Variants in TNFSF8 observed in about 807,000 individuals in gnomAD.
TNFSF8 encodes TNF superfamily member 8.
Under a neutral mutation model 22.0 loss-of-function variants are expected in TNFSF8, and 4 were observed. The ratio of observed to expected loss-of-function variants is 0.18; its 90% CI spans 0.09 to 0.42. TNFSF8 has a LOEUF of 0.42. Ranked by LOEUF, TNFSF8 falls within the 10% of genes least tolerant of loss-of-function variation. The pLI is 1.00. For missense variants in TNFSF8, 233 were observed against 281.8 expected (o/e 0.83, Z 1.24); for synonymous variants, 106 against 112.5 (o/e 0.94, Z 0.37).
At position 114,923,522 on chromosome 9, in the gene TNFSF8, C is replaced by CTTTCTTTCTTT. The variant is rs758823996; in HGVS notation, c.196-5385_196-5384insAAAGAAAGAAA. Among the ~76,000 whole-genome samples the CTTTCTTTCTTT allele has an allele frequency of 9.9e-4, 89 of 89,742 alleles. 1 individual carries two copies. Among genetic ancestry groups the CTTTCTTTCTTT allele is most frequent in the African/African-American group, 1.3e-3 (27 of 21,248 alleles). The allele number at this position is 89,742 out of a possible 152,430, so 58.9% of individuals were successfully genotyped here. Reference sequence around the variant, plus strand: ...TCTTTCTTTCTTTCTTTCTTTCTTTCTTTTTTTTTTTTTGAGATGAAATCT... The same window carrying CTTTCTTTCTTT: ...TCTTTCTTTCTTTCTTTCTTTCTTTCTTTCTTTCTTTTTTTTTTTTTTTTGAGATGAAATCT... On this transcript the variant is annotated intron_variant, in intron 1 of 3. Transcript: ENST00000223795.
chr9:114,910,623 A>C (rs939410619), intron 2 of TNFSF8, among the ~76,000 whole-genome samples: 1 of 152,196 alleles, frequency 6.6e-6, no homozygotes, highest in Non-Finnish European at 1.5e-5. Flanking sequence ...AACAAGCACT[A>C]ATGAGCTCCT....
chr9:114,912,673 C>T (rs1827866879), intron 2 of TNFSF8, among the ~76,000 whole-genome samples: 2 of 152,368 alleles, frequency 1.3e-5, no homozygotes, highest in East Asian at 3.9e-4. Flanking sequence ...CTCTTGACTG[C>T]TTCCAGTGTG....
rs762071843 is a variant in TNFSF8 at position 114,902,503 on chromosome 9, A to G, written c.*1428T>C. 2 of 985,282 alleles carry G rather than the reference A, an allele frequency of 2.0e-6. No individual in the cohort carries two copies. The highest frequency in any genetic ancestry group is 2.4e-6 in the Non-Finnish European group (2 of 829,924). The allele number at this position is 985,282 out of a possible 1,614,324, so 61.0% of individuals were successfully genotyped here. ...TCAGGCCTCGTCAGATGGTTTCCCAAACACCCAGATGGTCTCTTAGATTCT... is the reference window on the plus strand; with the variant it reads ...TCAGGCCTCGTCAGATGGTTTCCCAGACACCCAGATGGTCTCTTAGATTCT... On this transcript the variant is annotated 3_prime_UTR_variant, in exon 4 of 4. Transcript: ENST00000223795.
chr9:114,930,045 C>T, intron 1 of TNFSF8, 64 bp downstream of exon 1: 1 of 1,326,686 alleles, frequency 7.5e-7, no homozygotes, highest in Non-Finnish European at 1.0e-6. Context: ...ATCATTTGTT[C>T]CCAGGGCTCT....
At chr9:114,912,564 A>AT (rs113374990) in intron 2 of TNFSF8, among the ~76,000 whole-genome samples, 5,396 of 151,028 alleles carry the variant, frequency 0.036, 290 homozygotes, top group East Asian at 0.15. Context: ...TAATTTTTGT[A>AT]TTTTTTTTTG....
At chr9:114,898,739 C>T (rs1193423763), downstream of TNFSF8, among the ~76,000 whole-genome samples, 1 of 152,056 alleles carries the variant, frequency 6.6e-6, no homozygotes, top group African/African-American at 2.4e-5. Context: ...GCTTGTTTGG[C>T]AGGAAGGGGT....
chr9:114,918,206 T>A, intron 1 of TNFSF8, 68 bp from the exon 2 acceptor site: 1 of 1,477,606 alleles, frequency 6.8e-7, no homozygotes, highest in Non-Finnish European at 9.2e-7. Flanking sequence ...TTTTTTTTCT[T>A]TTTCATTTTG....
chr9:114,895,848 A>G (rs1827650556), intron 4 of TNFSF8, among the ~76,000 whole-genome samples: 1 of 152,228 alleles, frequency 6.6e-6, no homozygotes, highest in Admixed American at 6.5e-5. Context: ...CTATAGGGAA[A>G]GTACAGCCCC....
chr9:114,908,084 T>C (rs961683956), intron 2 of TNFSF8, among the ~76,000 whole-genome samples: 3 of 152,156 alleles, frequency 2.0e-5, no homozygotes, highest in Non-Finnish European at 4.4e-5. Context: ...ACCAGGCAAG[T>C]TTTTCCTTGT....
Position 114,902,906 on chromosome 9 carries a change from C to T in TNFSF8, c.*1025G>A, listed in dbSNP as rs1827733964. The T allele has an allele frequency of 2.1e-5, 7 of 337,336 alleles. No homozygotes were observed. The highest frequency in any genetic ancestry group is 1.9e-4 in the Admixed American group (3 of 15,462). The allele number at this position is 337,336 out of a possible 1,614,324, so 20.9% of individuals were successfully genotyped here. On this transcript the variant is annotated 3_prime_UTR_variant, in exon 4 of 4. Coordinates refer to ENST00000223795, the MANE Select transcript of TNFSF8 (RefSeq NM_001244.4). ...TGTATACAAGTTTAATTTCTCATAC[C>T]AGAAGCCGGGCTTAGTCACCCTTGA...
At position 114,913,869 on chromosome 9, in the gene TNFSF8, A is replaced by G. The variant is rs78934907; in HGVS notation, c.238+4227T>C. Among the ~76,000 whole-genome samples the G allele has an allele frequency of 4.6e-3, 700 of 152,362 alleles. 5 individuals are homozygous for G. The highest frequency in any genetic ancestry group is 0.016 in the African/African-American group (664 of 41,580). On this transcript the variant is annotated intron_variant, in intron 2 of 3. Coordinates refer to ENST00000223795, the MANE Select transcript of TNFSF8 (RefSeq NM_001244.4). Reference sequence around the variant, plus strand: ...TCTTGGCACATAGTGATGCCTGTCAACGTTCATTATTCTCACTCTGCCGTG... The same window carrying G: ...TCTTGGCACATAGTGATGCCTGTCAGCGTTCATTATTCTCACTCTGCCGTG...
At chr9:114,925,988 A>C (rs1828053281) in intron 1 of TNFSF8, among the ~76,000 whole-genome samples, 1 of 145,114 alleles carries the variant, frequency 6.9e-6, no homozygotes, top group Non-Finnish European at 1.5e-5. Flanking sequence ...GAGATAAGAG[A>C]AGTTTTATTT....
chr9:114,897,637 A>G (rs906957164), downstream of TNFSF8, among the ~76,000 whole-genome samples: 1 of 152,236 alleles, frequency 6.6e-6, no homozygotes, highest in Admixed American at 6.5e-5. Flanking sequence ...GGAGTTAATC[A>G]GGCAAAAGAG....
At chr9:114,908,648 A>G (rs1240986138) in intron 2 of TNFSF8, among the ~76,000 whole-genome samples, 1 of 152,054 alleles carries the variant, frequency 6.6e-6, no homozygotes, top group Non-Finnish European at 1.5e-5. Flanking sequence ...GAGGATGGAA[A>G]AAAAAAACAC....
chr9:114,926,904 A>G (rs10817684), intron 1 of TNFSF8, among the ~76,000 whole-genome samples: 52,789 of 147,776 alleles, frequency 0.36, 9,937 homozygotes, highest in Admixed American at 0.45. Flanking sequence ...TAAGTATAGT[A>G]TTTCCTAATA....
intron 2 of TNFSF8, 89 bp from the exon 3 acceptor site, chr9:114,905,988 G>A: frequency 1.2e-6 from 1 of 821,876 alleles, no homozygotes; most frequent in Non-Finnish European, 2.1e-6. Flanking sequence ...CTTTGATGGA[G>A]ACAATTACCG....
At chr9:114,929,588 G>C (rs1044860398) in intron 1 of TNFSF8, among the ~76,000 whole-genome samples, 1 of 151,896 alleles carries the variant, frequency 6.6e-6, no homozygotes, top group Non-Finnish European at 1.5e-5. Context: ...GAAACCTCCA[G>C]GACACTCAGA....
At chr9:114,911,743 C>G (rs932369261) in intron 2 of TNFSF8, among the ~76,000 whole-genome samples, 2 of 152,104 alleles carry the variant, frequency 1.3e-5, no homozygotes, top group African/African-American at 4.8e-5. Flanking sequence ...CCCCCTGCCC[C>G]ACCTACTTTC....
chr9:114,929,975 T>TAGAG (rs199544391), intron 1 of TNFSF8, 134 bp downstream of exon 1: 14,284 of 329,826 alleles, frequency 0.043, 303 homozygotes, highest in East Asian at 0.097. Context: ...TATATATATA[T>TAGAG]ATAGAGAGAG....
Sources: gnomAD v4.1 joint callset for allele counts (sites outside exome capture counted in the v4.1 genomes callset) on GRCh38, gnomAD v4.1.1 for gene constraint, MANE v1.5 for transcripts, NCBI Gene and HGNC (gene_info 2026-07-23, HGNC 2026-07-21) for gene names.